Variants in AGAP1 observed in about 807,000 individuals in gnomAD.
AGAP1 encodes arf-GAP with GTPase, ANK repeat and PH domain-containing protein 1.
AGAP1 carries 29 observed loss-of-function variants against 105.3 expected under a neutral mutation model. The observed-to-expected ratio is 0.28, with a 90% CI of 0.21 to 0.38. The LOEUF (loss-of-function observed/expected upper bound fraction) is 0.38. Among genes scored for constraint, AGAP1 ranks in the 10% least tolerant of loss-of-function variants. AGAP1 has a pLI of 1.00. For synonymous variants in AGAP1, 509 were observed against 485.9 expected (o/e 1.05, Z -0.63); for missense variants, 998 against 1,165.1 (o/e 0.86, Z 2.09).
At position 236,015,497 on chromosome 2, in the gene AGAP1, G is replaced by A. The variant is rs150268229; in HGVS notation, c.1646-21064G>A. ...ACCGAAGACAGCCGTCATTGCTTTT[G>A]TATAATAGCAGATTGAATTTTTCCC... On this transcript the variant is annotated intron_variant, in intron 13 of 17. Transcript: ENST00000304032. 1.3e-4 allele frequency among the ~76,000 whole-genome samples: 20 copies of A among 152,220 alleles called. No homozygotes were observed. The East Asian group carries it at 3.3e-3, about 25-fold the overall frequency.
rs918951401 is a variant in AGAP1, at chr2:235,970,479, G to T, written c.1645+1856G>T. On this transcript the variant is annotated intron_variant, in intron 13 of 17. Transcript: ENST00000304032. The surrounding 1 kb of genome is among the most constrained non-coding windows in gnomAD (Gnocchi z 5.4). ...TAGCCTCCCCCAGGGTGGGCAGCCT[G>T]TACCCTCCACGCCCCTAAGGTGCAC... Among the ~76,000 whole-genome samples, 12 of 152,072 alleles carry T rather than the reference G, an allele frequency of 7.9e-5. No individual in the cohort carries two copies. Among genetic ancestry groups the T allele is most frequent in the South Asian group, 2.1e-4 (1 of 4,826 alleles).
intron 1 of AGAP1, among the ~76,000 whole-genome samples, chr2:235,676,884 C>T (rs969513577): frequency 1.3e-5 from 2 of 152,142 alleles, no homozygotes; most frequent in Non-Finnish European, 2.9e-5. Flanking sequence ...GCACTCATGT[C>T]GCCAGGTGAT....
chr2:235,806,739 G>GGAAAATGTTAACAGCACCTTGATACTA (rs1957854753), intron 8 of AGAP1, among the ~76,000 whole-genome samples: 1 of 152,166 alleles, frequency 6.6e-6, no homozygotes, highest in Admixed American at 6.5e-5. Flanking sequence ...AAGCAAAAAC[G>GGAAAATGTTAACAGCACCTTGATACTA]GAAAATGTTA....
intron 16 of AGAP1, among the ~76,000 whole-genome samples, chr2:236,054,562 C>T (rs1332102133): frequency 6.6e-6 from 1 of 151,732 alleles, no homozygotes; most frequent in African/African-American, 2.4e-5. Context: ...CAGAGTCCAT[C>T]TGCAGTTGGG....
intron 1 of AGAP1, among the ~76,000 whole-genome samples, chr2:235,540,478 A>T (rs775861924): frequency 6.6e-6 from 1 of 152,152 alleles, no homozygotes; most frequent in Non-Finnish European, 1.5e-5. Flanking sequence ...ATCCTAATTG[A>T]GAGAATTTGA....
At chr2:235,782,246 A>T in intron 6 of AGAP1, among the ~76,000 whole-genome samples, 1 of 132,304 alleles carries the variant, frequency 7.6e-6, no homozygotes. Context: ...TAGTATTTAC[A>T]CTCCTGCCCA....
In AGAP1 at chr2:235,557,399, C is replaced by T. The variant is rs978778793; in HGVS notation, c.163+62550C>T. On this transcript the variant is annotated intron_variant, in intron 1 of 17. Transcript: ENST00000304032. This position sits in a 1 kb window ranked among gnomAD's most constrained non-coding sequence, Gnocchi z 4.7. ...TCGCCGTTGGGAAGGGAAATCACTC[C>T]GAAGACGGTGATGCTGGGTACAGGC... 1.3e-5 allele frequency among the ~76,000 whole-genome samples: 2 copies of T among 152,050 alleles called. No homozygotes were observed. The highest frequency in any genetic ancestry group is 4.8e-5 in the African/African-American group (2 of 41,384).
In AGAP1 at chr2:236,089,763, A is replaced by G. The variant is rs2059013768; in HGVS notation, c.2115-30429A>G. Among the ~76,000 whole-genome samples the G allele has an allele frequency of 6.6e-6, 1 of 152,134 alleles. No homozygotes were observed. Among genetic ancestry groups the G allele is most frequent in the Non-Finnish European group, 1.5e-5 (1 of 68,026 alleles). ...CAGGCAATAAAGAGTGCATTTGTGG[A>G]ATGATAACCTGACTGGCATCCCTGC... On this transcript the variant is annotated intron_variant, in intron 16 of 17. Coordinates refer to ENST00000304032, the MANE Select transcript of AGAP1 (RefSeq NM_001037131.3). The surrounding 1 kb of genome is among the most constrained non-coding windows in gnomAD (Gnocchi z 5.6).
At position 235,494,629 on chromosome 2, in the gene AGAP1, C is replaced by CCGGGGCG; in HGVS notation, c.-50_-44dup. On this transcript the variant is annotated 5_prime_UTR_variant, in exon 1 of 18. Transcript: ENST00000304032. ...CCCCGGGCTCGGCGGCCCGCGGGCC[C>CCGGGGCG]CGGGGCGCGGGGCGGCGGCGGCGGG... 1.0e-6 allele frequency: 1 copy of CCGGGGCG among 958,748 alleles called. No homozygotes were observed. The highest frequency in any genetic ancestry group is 4.7e-5 in the South Asian group (1 of 21,286). The allele number at this position is 958,748 out of a possible 1,614,324, so 59.4% of individuals were successfully genotyped here. A position where few individuals can be genotyped will look rare whatever the true frequency, so the allele number is the denominator to read the frequency against.
chr2:235,579,415 G>C (rs1944851559), intron 1 of AGAP1, among the ~76,000 whole-genome samples: 1 of 152,140 alleles, frequency 6.6e-6, no homozygotes, highest in South Asian at 2.1e-4. Flanking sequence ...GGGCGACTTG[G>C]CTCTTTTGTT....
rs1426079382 is a variant in AGAP1 at position 235,877,549 on chromosome 2, G to A, written c.1051-5796G>A. Among the ~76,000 whole-genome samples the A allele has an allele frequency of 1.3e-5, 2 of 150,634 alleles. No homozygotes were observed. Among genetic ancestry groups the A allele is most frequent in the African/African-American group, 5.0e-5 (2 of 39,998 alleles). On this transcript the variant is annotated intron_variant, in intron 9 of 17. Transcript: ENST00000304032. This position sits in a 1 kb window ranked among gnomAD's most constrained non-coding sequence, Gnocchi z 4.3. ...CCGGGGGTTAACTTGTTCTCAGAGTGAGTGATTTACATGTTGCGTCTCCCT... is the reference window on the plus strand; with the variant it reads ...CCGGGGGTTAACTTGTTCTCAGAGTAAGTGATTTACATGTTGCGTCTCCCT...
intron 16 of AGAP1, among the ~76,000 whole-genome samples, chr2:236,091,315 C>A (rs552030493): frequency 1.3e-5 from 2 of 152,316 alleles, no homozygotes; most frequent in Non-Finnish European, 2.9e-5. Flanking sequence ...TCCTGAGGGT[C>A]TCAACTGTTC....
In AGAP1 at chr2:236,053,029, G is replaced by T. The variant is rs748162085; in HGVS notation, c.2114+3748G>T. 6.6e-6 allele frequency among the ~76,000 whole-genome samples: 1 copy of T among 152,178 alleles called. No individual in the cohort carries two copies. The highest frequency in any genetic ancestry group is 6.5e-5 in the Admixed American group (1 of 15,286). The stretch of plus-strand genomic sequence containing the variant: ...TCAGCTGTGTGTAGGACAGGACTTC[G>T]TAACACCCGGCTTGTGCGTGTGTGC... On this transcript the variant is annotated intron_variant, in intron 16 of 17. Coordinates refer to ENST00000304032, the MANE Select transcript of AGAP1 (RefSeq NM_001037131.3). This position sits in a 1 kb window ranked among gnomAD's most constrained non-coding sequence, Gnocchi z 4.6.
intron 9 of AGAP1, among the ~76,000 whole-genome samples, chr2:235,850,636 T>C (rs1575612047): frequency 6.6e-6 from 1 of 152,268 alleles, no homozygotes; most frequent in Non-Finnish European, 1.5e-5. Flanking sequence ...AGAAGTACTT[T>C]AGGACATTTT....
intron 16 of AGAP1, among the ~76,000 whole-genome samples, chr2:236,070,299 T>C (rs926017334): frequency 6.6e-6 from 1 of 152,192 alleles, no homozygotes; most frequent in Non-Finnish European, 1.5e-5. Flanking sequence ...CCTACCCAGA[T>C]GAATGAGAAA....
rs1263375554 is a variant in AGAP1 at position 235,690,182 on chromosome 2, A to C, written c.164-18997A>C. Among the ~76,000 whole-genome samples, 1 of 151,850 alleles carries C rather than the reference A, an allele frequency of 6.6e-6. No individual in the cohort carries two copies. Among genetic ancestry groups the C allele is most frequent in the East Asian group, 1.9e-4 (1 of 5,140 alleles). ...GGGATCTCACTTGCTACCTGCTTGG[A>C]GCCAGTCCAGTGGCTTCACTTTTAC... On this transcript the variant is annotated intron_variant, in intron 1 of 17. Coordinates refer to ENST00000304032, the MANE Select transcript of AGAP1 (RefSeq NM_001037131.3). This position sits in a 1 kb window ranked among gnomAD's most constrained non-coding sequence, Gnocchi z 4.1.
chr2:235,974,408 G>A (rs2054774986), intron 13 of AGAP1, among the ~76,000 whole-genome samples: 1 of 152,168 alleles, frequency 6.6e-6, no homozygotes, highest in Non-Finnish European at 1.5e-5. Context: ...TAAAAATGCA[G>A]GACCAGACTG....
Position 235,614,936 on chromosome 2 carries a change from C to G in AGAP1, c.164-94243C>G, listed in dbSNP as rs889635520. On this transcript the variant is annotated intron_variant, in intron 1 of 17. Transcript: ENST00000304032. The surrounding 1 kb of genome is among the most constrained non-coding windows in gnomAD (Gnocchi z 4.7). ...TACAACAAATTTGGTTCACTGGGGC[C>G]GACTTGAAAATAGTCAAAGTCCAAG... 6.6e-6 allele frequency among the ~76,000 whole-genome samples: 1 copy of G among 152,154 alleles called. No individual in the cohort carries two copies. The highest frequency in any genetic ancestry group is 2.4e-5 in the African/African-American group (1 of 41,428).
At chr2:235,703,004 T>TGCCACC (rs1265013080) in intron 1 of AGAP1, among the ~76,000 whole-genome samples, 3 of 140,772 alleles carry the variant, frequency 2.1e-5, no homozygotes, top group Non-Finnish European at 4.5e-5. Flanking sequence ...CTCAGCTCAC[T>TGCCACC]GCCACCTCCA....
Sources: allele counts gnomAD v4.1 joint callset (sites outside exome capture counted in the v4.1 genomes callset), GRCh38; gene constraint gnomAD v4.1.1; non-coding constraint Gnocchi (gnomAD v3.1); transcripts MANE v1.5; gene names NCBI Gene and HGNC (gene_info 2026-07-23, HGNC 2026-07-21).